Variants in DCC observed in about 807,000 individuals in gnomAD.
DCC encodes DCC netrin 1 receptor, also known as netrin receptor DCC.
DCC carries 58 observed loss-of-function variants against 172.5 expected under a neutral mutation model. That is an observed-to-expected ratio of 0.34 (90% CI 0.27 to 0.42). DCC has a LOEUF of 0.42. DCC is among the 10% of genes least tolerant of loss of function. DCC has a pLI of 1.00. For synonymous variants in DCC, 709 were observed against 644.5 expected (o/e 1.10, Z -1.52); for missense variants, 1,740 against 1,791.0 (o/e 0.97, Z 0.51).
intron 1 of DCC, among the ~76,000 whole-genome samples, chr18:52,367,629 T>C (rs1223412582): frequency 2.0e-5 from 3 of 152,254 alleles, no homozygotes; most frequent in African/African-American, 7.2e-5. Context: ...GTCTCAATAC[T>C]GATGATGGTG....
intron 1 of DCC, among the ~76,000 whole-genome samples, chr18:52,741,180 C>A (rs9304429): frequency 1.3e-5 from 2 of 152,114 alleles, no homozygotes; most frequent in African/African-American, 4.8e-5. Context: ...TTTTGAGCTA[C>A]GCTCATCTCA....
chr18:52,747,805 G>A (rs1283613904), intron 1 of DCC, among the ~76,000 whole-genome samples: 2 of 152,094 alleles, frequency 1.3e-5, no homozygotes, highest in Non-Finnish European at 2.9e-5. Flanking sequence ...GGGTTGAGGG[G>A]GTTTATCTAA....
At chr18:53,078,377 A>G (rs1417046280) in intron 7 of DCC, among the ~76,000 whole-genome samples, 1 of 152,182 alleles carries the variant, frequency 6.6e-6, no homozygotes, top group African/African-American at 2.4e-5. Flanking sequence ...GTTAGATACA[A>G]TTCAAAGAAA....
intron 17 of DCC, among the ~76,000 whole-genome samples, chr18:53,392,268 G>A (rs1044568574): frequency 1.3e-5 from 2 of 151,302 alleles, no homozygotes; most frequent in South Asian, 2.1e-4. Context: ...TTTACAAAGC[G>A]ACCCTATTAA....
intron 22 of DCC, among the ~76,000 whole-genome samples, chr18:53,447,722 G>T (rs1182462772): frequency 1.3e-5 from 2 of 152,006 alleles, no homozygotes; most frequent in African/African-American, 4.8e-5. Flanking sequence ...TCACATAAAA[G>T]GTTAATTTAT....
intron 21 of DCC, among the ~76,000 whole-genome samples, chr18:53,429,672 T>C (rs1911481376): frequency 6.6e-6 from 1 of 152,238 alleles, no homozygotes; most frequent in South Asian, 2.1e-4. Context: ...AATGCATTCC[T>C]ATCCTGCAGA....
intron 5 of DCC, among the ~76,000 whole-genome samples, chr18:53,059,976 C>T (rs995874545): frequency 1.3e-5 from 2 of 151,798 alleles, no homozygotes; most frequent in African/African-American, 2.4e-5. Flanking sequence ...GCCTAATAGA[C>T]AGTATATTTC....
chr18:53,234,197 C>G (rs1018141532), intron 12 of DCC, among the ~76,000 whole-genome samples: 1 of 151,954 alleles, frequency 6.6e-6, no homozygotes. Context: ...TTGCAGTGAA[C>G]TGAAATCGCA....
intron 12 of DCC, among the ~76,000 whole-genome samples, chr18:53,250,645 G>T (rs566022030): frequency 6.6e-6 from 1 of 151,630 alleles, no homozygotes; most frequent in African/African-American, 2.4e-5. Context: ...AGATTTCTCA[G>T]GGGTCTCACT....
At chr18:52,722,515 C>T (rs1479114766) in intron 1 of DCC, among the ~76,000 whole-genome samples, 3 of 152,170 alleles carry the variant, frequency 2.0e-5, no homozygotes, top group African/African-American at 7.2e-5. Context: ...TCCACTCTCC[C>T]AACCCCCACT....
intron 15 of DCC, among the ~76,000 whole-genome samples, chr18:53,380,505 C>A (rs753602563): frequency 2.6e-5 from 4 of 151,994 alleles, no homozygotes; most frequent in Admixed American, 2.6e-4. Flanking sequence ...TTATCAGGAC[C>A]GGAACAAAAT....
intron 20 of DCC, among the ~76,000 whole-genome samples, chr18:53,414,519 A>G (rs11876240): frequency 0.43 from 65,566 of 151,960 alleles, 15,965 homozygotes; most frequent in Non-Finnish European, 0.56. Flanking sequence ...ATTATATCTC[A>G]ATAACTTTTT....
chr18:53,420,232 G>A (rs779608199), intron 21 of DCC, among the ~76,000 whole-genome samples: 2 of 152,106 alleles, frequency 1.3e-5, no homozygotes, highest in Admixed American at 6.6e-5. Context: ...CACATTCGAC[G>A]TATAGCTATA....
intron 1 of DCC, among the ~76,000 whole-genome samples, chr18:52,663,807 TAAGAG>T (rs935808201): frequency 6.6e-6 from 1 of 152,038 alleles, no homozygotes; most frequent in African/African-American, 2.4e-5. Flanking sequence ...TATTTAGAAA[TAAGAG>T]AAGAATTGAT....
chr18:53,398,387 A>C (rs1909088198), intron 18 of DCC, among the ~76,000 whole-genome samples: 2 of 152,092 alleles, frequency 1.3e-5, no homozygotes, highest in South Asian at 4.1e-4. Flanking sequence ...TAGTTGACCT[A>C]ATTTAATTTT....
At chr18:53,141,304 C>A (rs745575104) in intron 7 of DCC, among the ~76,000 whole-genome samples, 3 of 152,146 alleles carry the variant, frequency 2.0e-5, no homozygotes, top group Non-Finnish European at 4.4e-5. Flanking sequence ...GAGTGGGTAT[C>A]CTCCAAAATA....
rs925418978 is a variant in DCC, at chr18:53,135,946, G to C, written c.1262-21410G>C. Among the ~76,000 whole-genome samples the C allele has an allele frequency of 2.6e-5, 4 of 152,114 alleles. No individual in the cohort carries two copies. In the South Asian group the frequency reaches 8.3e-4, roughly 31 times the overall value. On this transcript the variant is annotated intron_variant, in intron 7 of 28. Coordinates refer to ENST00000442544, the MANE Select transcript of DCC (RefSeq NM_005215.4). ...TCTATTGATGAAATAGAAAAGCTAT[G>C]CATGGTTATTTTTCCTTATTGATTT...
chr18:52,643,279 A>T (rs1176326054), intron 1 of DCC, among the ~76,000 whole-genome samples: 1 of 152,170 alleles, frequency 6.6e-6, no homozygotes, highest in African/African-American at 2.4e-5. Flanking sequence ...CTGTTGACCT[A>T]GTTTCCACAG....
At chr18:53,297,442 T>C (rs1237190462) in intron 12 of DCC, among the ~76,000 whole-genome samples, 1 of 152,222 alleles carries the variant, frequency 6.6e-6, no homozygotes, top group Non-Finnish European at 1.5e-5. Context: ...ATTCATTGAT[T>C]CGGATAGAAC....
Sources: allele counts gnomAD v4.1 joint callset (sites outside exome capture counted in the v4.1 genomes callset), GRCh38; gene constraint gnomAD v4.1.1; transcripts MANE v1.5; gene names NCBI Gene and HGNC (gene_info 2026-07-23, HGNC 2026-07-21).